C7orf25: variants seen among roughly 807,000 people sequenced by gnomAD.
The protein encoded by C7orf25 is UPF0415 protein C7orf25.
C7orf25 carries 14 observed loss-of-function variants against 25.5 expected under a neutral mutation model. That is an observed-to-expected ratio of 0.55 (90% CI 0.36 to 0.86). The LOEUF is 0.86. Ranked by LOEUF, C7orf25 falls within the 40% of genes least tolerant of loss-of-function variation. C7orf25 has a pLI of 0.01. For missense variants in C7orf25, 405 were observed against 493.9 expected (o/e 0.82, Z 1.71); for synonymous variants, 184 against 179.9 (o/e 1.02, Z -0.18).
Position 42,910,518 on chromosome 7 carries a change from T to C in C7orf25, c.383A>G (p.His128Arg). Residue 128 changes from histidine to arginine, a missense_variant, in exon 2 of 2, where the codon CAT becomes CGT. By Grantham distance (29) the His-to-Arg change is conservative. Transcript: ENST00000350427. ...TTGGCCCCTGCCCAGCCAGATGTTATGAAGAGCTTCAGCCTTCCGGCCAAT... is the reference window on the plus strand; with the variant it reads ...TTGGCCCCTGCCCAGCCAGATGTTACGAAGAGCTTCAGCCTTCCGGCCAAT... ...KAIGRKAEAL[H>R]NIWLGRGQYG... The C allele has an allele frequency of 6.2e-7, 1 of 1,614,256 alleles. No homozygotes were observed. Among genetic ancestry groups the C allele is most frequent in the Non-Finnish European group, 8.5e-7 (1 of 1,180,048 alleles).
chr7:42,909,516 T>A lies in C7orf25; in HGVS notation c.*119A>T. On this transcript the variant is annotated 3_prime_UTR_variant, in exon 2 of 2. Transcript: ENST00000350427. ...TAGATGAGAGACAAAGAAACTCTAC[T>A]GGTTTAAGAGTTCTCAGTTTTACTT... is the stretch of plus-strand genomic sequence containing the variant. 9.6e-7 allele frequency: 1 copy of A among 1,037,238 alleles called. No homozygotes were observed. The highest frequency in any genetic ancestry group is 1.4e-6 in the Non-Finnish European group (1 of 724,128). The allele number at this position is 1,037,238 out of a possible 1,614,324, so 64.3% of individuals were successfully genotyped here.
In C7orf25 at chr7:42,910,015, T is replaced by C. The variant is rs775987737; in HGVS notation, c.886A>G (p.Met296Val). Residue 296 changes from methionine to valine, a missense_variant, in exon 2 of 2, where the codon ATG becomes GTG. Transcript: ENST00000350427. Reference sequence around the variant, plus strand: ...CAAGCAAACAACTCCTTGTCCTTCATAAAGGCCTCCAGCTGAGGTAGAACC... The same window carrying C: ...CAAGCAAACAACTCCTTGTCCTTCACAAAGGCCTCCAGCTGAGGTAGAACC... Reference protein sequence around the residue: ...EQVLPQLEAFMKDKELFACES... With the variant: ...EQVLPQLEAFVKDKELFACES... 2 of 1,614,152 alleles carry C rather than the reference T, an allele frequency of 1.2e-6. No individual in the cohort carries two copies. Among genetic ancestry groups the C allele is most frequent in the Non-Finnish European group, 1.7e-6 (2 of 1,180,040 alleles).
In C7orf25 at chr7:42,910,402, A is replaced by G; in HGVS notation, c.499T>C (p.Phe167Leu). The G allele has an allele frequency of 1.9e-6, 3 of 1,614,208 alleles. No homozygotes were observed. In the South Asian group the frequency reaches 3.3e-5, roughly 18 times the overall value. The change falls in exon 2 of 2, where the codon TTT (phenylalanine) becomes CTT (leucine). Residue 167 changes from phenylalanine (F) to leucine (L), a missense_variant. Transcript: ENST00000350427. Reference protein sequence around the residue: ...PVQYSNPHIIFAFYNSVSSPM... With the variant: ...PVQYSNPHIILAFYNSVSSPM... ...CTGGAGACACTGTTGTAAAATGCAA[A>G]GATGATGTGAGGGTTGCTATACTGC...
At chr7:42,911,133 G>A (rs573708044) in intron 1 of C7orf25, 7 of 850,454 alleles carry the variant, frequency 8.2e-6, no homozygotes, top group Admixed American at 8.1e-5. Context: ...CTTTAGGTAC[G>A]TCTGACACAC....
At chr7:42,911,373 T>C in intron 1 of C7orf25, 1 of 1,091,890 alleles carries the variant, frequency 9.2e-7, no homozygotes, top group Non-Finnish European at 1.1e-6. Flanking sequence ...TGTCCTAAAC[T>C]GAGCACTTCA....
chr7:42,909,791 G>A lies in C7orf25; in HGVS notation c.1110C>T (p.Ala370=), dbSNP rs1209630770. 1.9e-6 allele frequency: 3 copies of A among 1,614,030 alleles called. No individual in the cohort carries two copies. Among genetic ancestry groups the A allele is most frequent in the African/African-American group, 1.3e-5 (1 of 74,888 alleles). The change falls in exon 2 of 2, where the codon GCC becomes GCT. Residue 370 remains alanine, a synonymous_variant. Transcript: ENST00000350427. ...AACCACTATTAGCAGTCATTGTGAT[G>A]GCTTTTAGGGTGTCTCCCGTCCCAA... The part of the protein sequence containing the change: ...TIFGTGDTLK[A]ITMTANSGFV...
Position 42,910,671 on chromosome 7 carries a change from T to C in C7orf25, c.230A>G (p.Glu77Gly). 1 of 1,614,182 alleles carries C rather than the reference T, an allele frequency of 6.2e-7. No homozygotes were observed. Among genetic ancestry groups the C allele is most frequent in the Non-Finnish European group, 8.5e-7 (1 of 1,180,044 alleles). ...AACTTCTTCCAGGTTTTCTGCTGAT[T>C]CCACAATGGCTCTCAGGTGTGTTAG... ...TNLTHLRAIVESAENLEEVVS... is the reference protein window; with the variant it reads ...TNLTHLRAIVGSAENLEEVVS... The change falls in exon 2 of 2, where the codon GAA (glutamate) becomes GGA (glycine). Residue 77 changes from glutamate to glycine, a missense_variant. Coordinates refer to ENST00000350427, the MANE Select transcript of C7orf25 (RefSeq NM_001099858.2).
At position 42,909,492 on chromosome 7, in the gene C7orf25, A is replaced by T; in HGVS notation, c.*143T>A. ...TCTACTTTGGGAGGTTATATACTTT[A>T]GATGAGAGACAAAGAAACTCTACTG... is the stretch of plus-strand genomic sequence containing the variant. On this transcript the variant is annotated 3_prime_UTR_variant, in exon 2 of 2. Transcript: ENST00000350427. The T allele has an allele frequency of 1.2e-6, 1 of 834,082 alleles. No homozygotes were observed. Among genetic ancestry groups the T allele is most frequent in the Non-Finnish European group, 1.8e-6 (1 of 547,072 alleles). The allele number at this position is 834,082 out of a possible 1,614,324, so 51.7% of individuals were successfully genotyped here. A position where few individuals can be genotyped will look rare whatever the true frequency, so the allele number is the denominator to read the frequency against.
chr7:42,911,846 C>A (rs1785912463), intron 1 of C7orf25, 69 bp downstream of exon 1: 8 of 1,351,054 alleles, frequency 5.9e-6, no homozygotes, highest in Non-Finnish European at 7.6e-6. Flanking sequence ...CCGGCCCTGC[C>A]CAGCCCCCTC....
At chr7:42,911,313 CAAA>C in intron 1 of C7orf25, 1 of 1,112,172 alleles carries the variant, frequency 9.0e-7, no homozygotes, top group South Asian at 1.7e-5. Flanking sequence ...ATGCCGAAAA[CAAA>C]AATACACACA....
In C7orf25 at chr7:42,910,223, G is replaced by C; in HGVS notation, c.678C>G (p.Asp226Glu). 6.2e-7 allele frequency: 1 copy of C among 1,614,128 alleles called. No homozygotes were observed. The highest frequency in any genetic ancestry group is 8.5e-7 in the Non-Finnish European group (1 of 1,180,028). ...GPELLQVTRVDRENILASVAF... is the reference protein window; with the variant it reads ...GPELLQVTRVERENILASVAF... ...CAACACTTGCTAGTATATTTTCTCG[G>C]TCAACTCTGGTCACCTGCAAAAGTT... Residue 226 changes from aspartate to glutamate, a missense_variant, in exon 2 of 2, where the codon GAC (aspartate) becomes GAG (glutamate). Transcript: ENST00000350427.
In C7orf25 at chr7:42,910,586, C is replaced by T. The variant is rs936991274; in HGVS notation, c.315G>A (p.Val105=). 2.1e-5 allele frequency: 34 copies of T among 1,614,074 alleles called. No homozygotes were observed. The highest frequency in any genetic ancestry group is 2.8e-5 in the Non-Finnish European group (33 of 1,180,048). ...TDTLGEKQTL[V]VDVVANGGHT... ...GACCACCATTTGCAACTACATCTAC[C>T]ACAAGGGTTTGCTTTTCTCCTAAGG... The change falls in exon 2 of 2, where the codon GTG becomes GTA. Residue 105 remains valine (V), a synonymous_variant. Coordinates refer to ENST00000350427, the MANE Select transcript of C7orf25 (RefSeq NM_001099858.2).
At chr7:42,911,396 T>C in intron 1 of C7orf25, 1 of 1,024,812 alleles carries the variant, frequency 9.8e-7, no homozygotes, top group Non-Finnish European at 1.2e-6. Context: ...CTCCCTAACC[T>C]TTTCCTCCTT....
At position 42,910,139 on chromosome 7, in the gene C7orf25, A is replaced by G. The variant is rs1785851289; in HGVS notation, c.762T>C (p.Thr254=). ...TGAGGGCAGATACATATGTGATTAA[A>G]GTAGTAATGTCCAGATTTACTCTTT... ...VCKRVNLDIT[T]LITYVSALSY... is the part of the protein sequence containing the mutation. Residue 254 remains threonine (T), a synonymous_variant, in exon 2 of 2, where the codon ACT becomes ACC. Coordinates refer to ENST00000350427, the MANE Select transcript of C7orf25 (RefSeq NM_001099858.2). 6.2e-7 allele frequency: 1 copy of G among 1,614,078 alleles called. No individual in the cohort carries two copies. Among genetic ancestry groups the G allele is most frequent in the Non-Finnish European group, 8.5e-7 (1 of 1,180,042 alleles).
Position 42,910,437 on chromosome 7 carries a change from T to C in C7orf25, c.464A>G (p.Gln155Arg). 6.2e-7 allele frequency: 1 copy of C among 1,614,276 alleles called. No individual in the cohort carries two copies. The highest frequency in any genetic ancestry group is 8.5e-7 in the Non-Finnish European group (1 of 1,180,056). Residue 155 changes from glutamine to arginine, a missense_variant, in exon 2 of 2, where the codon CAG becomes CGG. By Grantham distance (43) the Gln-to-Arg change is conservative. Coordinates refer to ENST00000350427, the MANE Select transcript of C7orf25 (RefSeq NM_001099858.2). ...AGGGTTGCTATACTGCACTGGCTGC[T>C]GGTGACTGGCCTGGAGGAAGTCTTC... ...QAEDFLQASH[Q>R]QPVQYSNPHI...
Position 42,910,010 on chromosome 7 carries a change from C to G in C7orf25, c.891G>C (p.Lys297Asn). Residue 297 changes from lysine to asparagine, a missense_variant, in exon 2 of 2, where the codon AAG becomes AAC. Coordinates refer to ENST00000350427, the MANE Select transcript of C7orf25 (RefSeq NM_001099858.2). The stretch of plus-strand genomic sequence containing the variant: ...ATTCACAAGCAAACAACTCCTTGTC[C>G]TTCATAAAGGCCTCCAGCTGAGGTA... ...QVLPQLEAFMKDKELFACESA... is the reference protein window; with the variant it reads ...QVLPQLEAFMNDKELFACESA... 5 of 1,614,150 alleles carry G rather than the reference C, an allele frequency of 3.1e-6. No individual in the cohort carries two copies. Among genetic ancestry groups the G allele is most frequent in the Non-Finnish European group, 4.2e-6 (5 of 1,180,042 alleles).
At position 42,909,502 on chromosome 7, in the gene C7orf25, CAAAG is replaced by C. The variant is rs1197463478; in HGVS notation, c.*129_*132del. 1.8e-5 allele frequency: 17 copies of C among 927,276 alleles called. No individual in the cohort carries two copies. Among genetic ancestry groups the C allele is most frequent in the Admixed American group, 3.0e-5 (1 of 32,940 alleles). 57.4% of individuals were successfully genotyped at this position (927,276 alleles called of 1,614,324 possible). ...GAGGTTATATACTTTAGATGAGAGA[CAAAG>C]AAACTCTACTGGTTTAAGAGTTCTC... On this transcript the variant is annotated 3_prime_UTR_variant, in exon 2 of 2. Transcript: ENST00000350427.
rs1785913347 is a variant in C7orf25 at position 42,911,867 on chromosome 7, A to G, written c.-22+48T>C. ...CTGCCCAGCCCCCTCTGGCCTCAGA[A>G]GAGGCGCCCCGCTCCCAGCCTCCCC... On this transcript the variant is annotated intron_variant, in intron 1 of 1. Coordinates refer to ENST00000350427, the MANE Select transcript of C7orf25 (RefSeq NM_001099858.2). 6 of 1,394,344 alleles carry G rather than the reference A, an allele frequency of 4.3e-6. No homozygotes were observed. The East Asian group carries it at 1.5e-4, about 36-fold the overall frequency. 86.4% of individuals were successfully genotyped at this position (1,394,344 alleles called of 1,614,324 possible). A position where few individuals can be genotyped will look rare whatever the true frequency, so the allele number is the denominator to read the frequency against.
chr7:42,911,858 G>C, intron 1 of C7orf25, 57 bp downstream of exon 1: 1 of 1,381,096 alleles, frequency 7.2e-7, no homozygotes, highest in Non-Finnish European at 9.3e-7. Context: ...AGCCCCCTCT[G>C]GCCTCAGAAG....
Sources: allele counts gnomAD v4.1 joint callset, GRCh38; gene constraint gnomAD v4.1.1; transcripts MANE v1.5; gene names NCBI Gene and HGNC (gene_info 2026-07-23, HGNC 2026-07-21).